The following CORO1C variants were observed in gnomAD, a reference collection of about 807,000 sequenced individuals.
The protein encoded by CORO1C is coronin 1C, also known as coronin-1C.
Under a neutral mutation model 51.2 loss-of-function variants are expected in CORO1C, and 14 were observed. The ratio of observed to expected loss-of-function variants is 0.27; its 90% confidence interval spans 0.18 to 0.43. The LOEUF is 0.43. Ranked by LOEUF, CORO1C falls within the 20% of genes least tolerant of loss-of-function variation. The pLI, the probability that CORO1C is intolerant of heterozygous loss-of-function variation, is 1.00. For synonymous variants in CORO1C, 181 were observed against 210.5 expected (o/e 0.86, Z 1.21); for missense variants, 417 against 607.8 (o/e 0.69, Z 3.30).
rs150778526 is a variant in CORO1C at position 108,647,226 on chromosome 12, T to C, written c.*177A>G. ...AAATCACGTTTTGTTTCTGCAAATT[T>C]GGGAGACAAATTGAGTTCTTACTGG... On this transcript the variant is annotated 3_prime_UTR_variant, in exon 11 of 11. Transcript: ENST00000261401. 445 of 510,424 alleles carry C rather than the reference T, an allele frequency of 8.7e-4. No individual in the cohort carries two copies. The highest frequency in any genetic ancestry group is 8.1e-3 in the African/African-American group (414 of 51,294). 31.6% of individuals were successfully genotyped at this position (510,424 alleles called of 1,614,324 possible).
chr12:108,694,374 T>A lies in CORO1C; in HGVS notation c.195+6750A>T, dbSNP rs763347508. Reference sequence around the variant, plus strand: ...TGAATATGTGAATGAATGAATGTGATTTTTCTAAAGTACTGTGTTAAATTT... The same window carrying A: ...TGAATATGTGAATGAATGAATGTGAATTTTCTAAAGTACTGTGTTAAATTT... On this transcript the variant is annotated intron_variant, in intron 2 of 10. Transcript: ENST00000261401. Among the ~76,000 whole-genome samples the A allele has an allele frequency of 9.5e-4, 145 of 152,050 alleles. 2 individuals carry two copies. The highest frequency in any genetic ancestry group is 3.9e-4 in the Admixed American group (6 of 15,258).
intron 4 of CORO1C, among the ~76,000 whole-genome samples, chr12:108,660,788 G>C (rs1382348420): frequency 6.6e-6 from 1 of 152,076 alleles, no homozygotes; most frequent in Non-Finnish European, 1.5e-5. Context: ...ATCAGACTGA[G>C]GTTCTGAGAG....
intron 3 of CORO1C, among the ~76,000 whole-genome samples, chr12:108,664,511 A>T (rs944485449): frequency 6.6e-6 from 1 of 152,234 alleles, no homozygotes; most frequent in Non-Finnish European, 1.5e-5. Context: ...TATGCAAATC[A>T]TAACAAAAAT....
intron 2 of CORO1C, among the ~76,000 whole-genome samples, chr12:108,694,734 T>A (rs1175906209): frequency 6.6e-6 from 1 of 152,226 alleles, no homozygotes; most frequent in Non-Finnish European, 1.5e-5. Flanking sequence ...AATCCCTCAA[T>A]TATTCACTTA....
intron 3 of CORO1C, among the ~76,000 whole-genome samples, chr12:108,663,795 G>C (rs902813232): frequency 6.6e-6 from 1 of 152,176 alleles, no homozygotes; most frequent in South Asian, 2.1e-4. Flanking sequence ...AAAACTCAGT[G>C]AATTGTACAT....
Position 108,647,099 on chromosome 12 carries a change from CAG to C in CORO1C, c.*302_*303del. 2 of 231,290 alleles carry C rather than the reference CAG, an allele frequency of 8.6e-6. No individual in the cohort carries two copies. Among genetic ancestry groups the C allele is most frequent in the Admixed American group, 5.6e-5 (1 of 17,824 alleles). The allele number at this position is 231,290 out of a possible 1,614,324, so 14.3% of individuals were successfully genotyped here. A position where few individuals can be genotyped will look rare whatever the true frequency, so the allele number is the denominator to read the frequency against. On this transcript the variant is annotated 3_prime_UTR_variant, in exon 11 of 11. Transcript: ENST00000261401. The stretch of plus-strand genomic sequence containing the variant: ...CAGAATTAGTTTGTTTTCTAAAATT[CAG>C]AGTATCTGGGATTTTAAAAGTAGCA...
Position 108,715,048 on chromosome 12 carries a change from T to A in CORO1C, c.-5-13725A>T, listed in dbSNP as rs577558807. 1.1e-4 allele frequency among the ~76,000 whole-genome samples: 16 copies of A among 151,990 alleles called. No homozygotes were observed. The East Asian group carries it at 3.1e-3, about 30-fold the overall frequency. ...AAATGAGCAGCAAAACAGTAACACA[T>A]AATGAACCTGAAGACAAAAGATAAA... is the stretch of plus-strand genomic sequence containing the variant. On this transcript the variant is annotated intron_variant, in intron 1 of 10. Transcript: ENST00000261401.
intron 2 of CORO1C, among the ~76,000 whole-genome samples, chr12:108,685,012 C>A (rs1015291553): frequency 6.6e-6 from 1 of 152,154 alleles, no homozygotes; most frequent in African/African-American, 2.4e-5. Flanking sequence ...GAGCTCTGAA[C>A]TTCCAAGAAC....
chr12:108,656,068 C>T (rs1162343391), intron 6 of CORO1C, among the ~76,000 whole-genome samples: 1 of 150,580 alleles, frequency 6.6e-6, no homozygotes, highest in Admixed American at 6.6e-5. Context: ...TCTGCCTGGC[C>T]GACCCGTCTG....
intron 1 of CORO1C, among the ~76,000 whole-genome samples, chr12:108,729,921 T>C (rs970979286): frequency 6.6e-6 from 1 of 152,164 alleles, no homozygotes; most frequent in African/African-American, 2.4e-5. Context: ...TTCTGCCAGA[T>C]AAGGACAATG....
intron 4 of CORO1C, among the ~76,000 whole-genome samples, chr12:108,661,008 T>C (rs942480945): frequency 6.6e-6 from 1 of 152,238 alleles, no homozygotes; most frequent in African/African-American, 2.4e-5. Flanking sequence ...TTAAAAATCC[T>C]ATCTCTAACA....
At chr12:108,660,938 G>T (rs532707711) in intron 4 of CORO1C, among the ~76,000 whole-genome samples, 1 of 152,258 alleles carries the variant, frequency 6.6e-6, no homozygotes, top group South Asian at 2.1e-4. Flanking sequence ...TAAACATTGT[G>T]TATTCCCAGT....
chr12:108,726,115 G>A (rs1342141855), intron 1 of CORO1C, among the ~76,000 whole-genome samples: 2 of 152,262 alleles, frequency 1.3e-5, no homozygotes, highest in Middle Eastern at 3.4e-3. Flanking sequence ...TTACAGGTGT[G>A]AGCCACCACG....
At position 108,662,140 on chromosome 12, in the gene CORO1C, T is replaced by C. The variant is rs1225796476; in HGVS notation, c.337A>G (p.Asn113Asp). 15 of 1,613,922 alleles carry C rather than the reference T, an allele frequency of 9.3e-6. No homozygotes were observed. The highest frequency in any genetic ancestry group is 1.2e-5 in the Non-Finnish European group (14 of 1,179,872). ...TCAGTCAGGGAAAGGGTGAGTCCAT[T>C]TTCTGGGATCTGCCATACCTGTTGG... ...CTVMVWQIPE[N>D]GLTLSLTEPV... The change falls in exon 4 of 11, where the codon AAT becomes GAT. Residue 113 changes from asparagine (N) to aspartate (D), a missense_variant. By Grantham distance (23) the Asn-to-Asp change is conservative. Transcript: ENST00000261401.
At chr12:108,705,967 A>C (rs1342495476) in intron 1 of CORO1C, among the ~76,000 whole-genome samples, 1 of 152,130 alleles carries the variant, frequency 6.6e-6, no homozygotes, top group Non-Finnish European at 1.5e-5. Context: ...CAGGGGGATC[A>C]CTTGAGGTCA....
At chr12:108,685,889 CACAA>C (rs2034278216) in intron 2 of CORO1C, among the ~76,000 whole-genome samples, 1 of 152,114 alleles carries the variant, frequency 6.6e-6, no homozygotes, top group Non-Finnish European at 1.5e-5. Flanking sequence ...GCTGGATGTT[CACAA>C]ACACACAGTC....
At chr12:108,655,895 G>A (rs1191092321) in intron 6 of CORO1C, among the ~76,000 whole-genome samples, 1 of 151,580 alleles carries the variant, frequency 6.6e-6, no homozygotes, top group Non-Finnish European at 1.5e-5. Context: ...GGGAAGTGAG[G>A]AGCGCCTCTT....
chr12:108,663,206 C>A (rs1197559751), intron 3 of CORO1C, among the ~76,000 whole-genome samples: 3 of 152,220 alleles, frequency 2.0e-5, no homozygotes, highest in Non-Finnish European at 4.4e-5. Flanking sequence ...AGCCTGCACA[C>A]ATGGCTGGTG....
intron 1 of CORO1C, among the ~76,000 whole-genome samples, chr12:108,723,271 T>C (rs541341038): frequency 2.0e-5 from 3 of 152,270 alleles, no homozygotes; most frequent in Non-Finnish European, 2.9e-5. Flanking sequence ...TGAGTTTTTA[T>C]GTTAATAAAT....
Sources: allele counts gnomAD v4.1 joint callset (sites outside exome capture counted in the v4.1 genomes callset), GRCh38; gene constraint gnomAD v4.1.1; transcripts MANE v1.5; gene names NCBI Gene and HGNC (gene_info 2026-07-23, HGNC 2026-07-21).